Variants in GRK5 observed in about 807,000 individuals in gnomAD.
GRK5 encodes the protein G protein-coupled receptor kinase 5.
A neutral mutation model predicts 78.4 loss-of-function variants in GRK5; 40 were observed. The observed-to-expected ratio is 0.51, with a 90% CI of 0.40 to 0.66. The LOEUF (loss-of-function observed/expected upper bound fraction) is 0.66, where lower values mean the gene tolerates loss of function less well. Ranked by LOEUF, GRK5 falls within the 30% of genes least tolerant of loss-of-function variation. GRK5 has a pLI of 0.00. For synonymous variants in GRK5, 289 were observed against 296.8 expected (o/e 0.97, Z 0.27); for missense variants, 598 against 759.9 (o/e 0.79, Z 2.50).
intron 1 of GRK5, among the ~76,000 whole-genome samples, chr10:119,276,560 T>C (rs1329627762): frequency 6.6e-6 from 1 of 152,216 alleles, no homozygotes; most frequent in East Asian, 1.9e-4. Flanking sequence ...GCAATAAACA[T>C]ACGTGTGCAT....
At chr10:119,241,759 C>T (rs1013006792) in intron 1 of GRK5, among the ~76,000 whole-genome samples, 4 of 152,148 alleles carry the variant, frequency 2.6e-5, no homozygotes, top group African/African-American at 4.8e-5. Context: ...CGTTTTCCTC[C>T]GCCCTCTTAG....
At chr10:119,216,921 C>T (rs61876594) in intron 1 of GRK5, among the ~76,000 whole-genome samples, 9,239 of 151,746 alleles carry the variant, frequency 0.061, 325 homozygotes, top group Middle Eastern at 0.21. Context: ...AGCGAAACTC[C>T]GTCTAAAAGG....
chr10:119,318,649 C>T (rs575004859), intron 1 of GRK5, among the ~76,000 whole-genome samples: 1 of 152,224 alleles, frequency 6.6e-6, no homozygotes, highest in South Asian at 2.1e-4. Context: ...CATCGCTGCA[C>T]CCCAGCCGCA....
At chr10:119,323,723 G>A (rs1850625714) in intron 1 of GRK5, among the ~76,000 whole-genome samples, 1 of 152,120 alleles carries the variant, frequency 6.6e-6, no homozygotes, top group Admixed American at 6.5e-5. Context: ...CAATAGTTTT[G>A]GGGGAACAGG....
At chr10:119,286,828 A>G (rs1004745989) in intron 1 of GRK5, among the ~76,000 whole-genome samples, 6 of 152,138 alleles carry the variant, frequency 3.9e-5, no homozygotes, top group African/African-American at 1.4e-4. Flanking sequence ...GATTGTTTTT[A>G]TCTGTTTGGG....
In GRK5 at chr10:119,358,975, G is replaced by A. The variant is rs868235134; in HGVS notation, c.149-21840G>A. On this transcript the variant is annotated intron_variant, in intron 2 of 15. Transcript: ENST00000392870. ...GCCCTATCAGTTAGGGCCCCACCCT[G>A]AAGAATTCATTTAACCTTAATTACC... 2.0e-5 allele frequency among the ~76,000 whole-genome samples: 3 copies of A among 152,226 alleles called. 1 individual carries two copies. The highest frequency in any genetic ancestry group is 6.8e-3 in the Middle Eastern group (2 of 294).
At chr10:119,261,090 C>A (rs1849383379) in intron 1 of GRK5, among the ~76,000 whole-genome samples, 1 of 146,874 alleles carries the variant, frequency 6.8e-6, no homozygotes, top group Non-Finnish European at 1.5e-5. Flanking sequence ...AGACGCTCCT[C>A]ACTTCCCAGA....
chr10:119,428,870 A>G (rs571173828), intron 6 of GRK5, among the ~76,000 whole-genome samples: 3 of 152,276 alleles, frequency 2.0e-5, no homozygotes, highest in African/African-American at 7.2e-5. Flanking sequence ...TTTCCTCCCA[A>G]GGTTAACCAA....
intron 1 of GRK5, among the ~76,000 whole-genome samples, chr10:119,292,377 C>T (rs1849998503): frequency 6.6e-6 from 1 of 152,022 alleles, no homozygotes; most frequent in Non-Finnish European, 1.5e-5. Context: ...CACATGGTGC[C>T]TCGGCTTCAC....
rs1320782563 is a variant in GRK5 at position 119,287,317 on chromosome 10, A to G, written c.53-39199A>G. ...AGAGGGAAGAAAGGAAGGGAGGGAG[A>G]GAGGGAGGGAGGAAGGGAGAGAGGA... On this transcript the variant is annotated intron_variant, in intron 1 of 15. Coordinates refer to ENST00000392870, the MANE Select transcript of GRK5 (RefSeq NM_005308.3). Among the ~76,000 whole-genome samples, 10 of 6,584 alleles carry G rather than the reference A, an allele frequency of 1.5e-3. No homozygotes were observed. In the East Asian group the frequency reaches 0.015, roughly 10 times the overall value. 4.3% of individuals were successfully genotyped at this position (6,584 alleles called of 152,430 possible). A position where few individuals can be genotyped will look rare whatever the true frequency, so the allele number is the denominator to read the frequency against.
chr10:119,307,447 G>T (rs1232796742), intron 1 of GRK5, among the ~76,000 whole-genome samples: 1 of 152,170 alleles, frequency 6.6e-6, no homozygotes, highest in East Asian at 1.9e-4. Context: ...TAGAGGGAGA[G>T]TGGACTGTGC....
chr10:119,421,901 A>C (rs1164679209), intron 4 of GRK5, among the ~76,000 whole-genome samples: 1 of 152,206 alleles, frequency 6.6e-6, no homozygotes, highest in Non-Finnish European at 1.5e-5. Context: ...CACTGATTCC[A>C]TTCACCAAGG....
At chr10:119,287,068 G>A (rs1329241379) in intron 1 of GRK5, among the ~76,000 whole-genome samples, 1 of 150,072 alleles carries the variant, frequency 6.7e-6, no homozygotes, top group Non-Finnish European at 1.5e-5. Context: ...GAGGAAAGAA[G>A]GAAGAAAGGA....
intron 10 of GRK5, among the ~76,000 whole-genome samples, 168 bp from the exon 11 acceptor site, chr10:119,441,831 A>G (rs1853042176): frequency 6.6e-6 from 1 of 151,494 alleles, no homozygotes; most frequent in African/African-American, 2.4e-5. Flanking sequence ...CCACACCTGC[A>G]CTCTCCCAAG....
chr10:119,383,589 A>G (rs1028503758), intron 3 of GRK5, among the ~76,000 whole-genome samples: 9 of 152,228 alleles, frequency 5.9e-5, no homozygotes, highest in African/African-American at 2.2e-4. Context: ...CTGGTTCACT[A>G]CCATCCTCCA....
rs557480067 is a variant in GRK5 at position 119,313,495 on chromosome 10, C to T, written c.53-13021C>T. Among the ~76,000 whole-genome samples the T allele has an allele frequency of 2.3e-4, 35 of 152,260 alleles. 1 individual carries two copies. The highest frequency in any genetic ancestry group is 2.2e-3 in the Admixed American group (33 of 15,298). Reference sequence around the variant, plus strand: ...GTGTCTCAGTTTGCAGGAGAAAACACGGAGGGACTTAACCAAGGCCACACA... The same window carrying T: ...GTGTCTCAGTTTGCAGGAGAAAACATGGAGGGACTTAACCAAGGCCACACA... On this transcript the variant is annotated intron_variant, in intron 1 of 15. Coordinates refer to ENST00000392870, the MANE Select transcript of GRK5 (RefSeq NM_005308.3).
At position 119,448,276 on chromosome 10, in the gene GRK5, C is replaced by G. The variant is rs201333080; in HGVS notation, c.1404+16C>G. ...CGTTCCAGACGTGAGTAGCCTCCCC[C>G]AGCCCCCAGCAGCTCCCTTCACAGG... is the stretch of plus-strand genomic sequence containing the variant. On this transcript the variant is annotated intron_variant, in intron 13 of 15. Transcript: ENST00000392870. The G allele has an allele frequency of 1.9e-6, 3 of 1,579,134 alleles. No homozygotes were observed. Among genetic ancestry groups the G allele is most frequent in the African/African-American group, 2.8e-5 (2 of 72,488 alleles).
chr10:119,423,273 G>C lies in GRK5; in HGVS notation c.440+7G>C. ...TCTTTTCTGCCTGTGCACAGTAAGT[G>C]CCGTAGTCACCTGGCCTGTCCTCCC... On this transcript the variant is annotated splice_region_variant and intron_variant, in intron 5 of 15. Transcript: ENST00000392870. The C allele has an allele frequency of 6.2e-7, 1 of 1,603,178 alleles. No individual in the cohort carries two copies. Among genetic ancestry groups the C allele is most frequent in the Non-Finnish European group, 8.5e-7 (1 of 1,170,008 alleles).
intron 1 of GRK5, among the ~76,000 whole-genome samples, chr10:119,316,593 A>G (rs969703582): frequency 6.6e-6 from 1 of 152,240 alleles, no homozygotes; most frequent in Admixed American, 6.5e-5. Context: ...ACTCCCTCGC[A>G]GAACCCAGTG....
Sources: gnomAD v4.1 joint callset for allele counts (sites outside exome capture counted in the v4.1 genomes callset) on GRCh38, gnomAD v4.1.1 for gene constraint, MANE v1.5 for transcripts, NCBI Gene and HGNC (gene_info 2026-07-23, HGNC 2026-07-21) for gene names.